CAST: variants seen among roughly 807,000 people sequenced by gnomAD.
CAST encodes MIR583 host.
A neutral mutation model predicts 119.6 loss-of-function variants in CAST; 76 were observed. The observed-to-expected ratio is 0.64, with a 90% CI of 0.53 to 0.77. The LOEUF (loss-of-function observed/expected upper bound fraction) is 0.77. CAST is among the 30% of genes least tolerant of loss of function. CAST has a pLI of 0.00. For missense variants in CAST, 953 were observed against 946.5 expected (o/e 1.01, Z -0.09); for synonymous variants, 319 against 331.6 (o/e 0.96, Z 0.41).
At chr5:96,308,877 T>G in the CAST span, 1 of 152,300 alleles carries the variant, frequency 6.6e-6, no homozygotes, top group Admixed American at 6.5e-5. Flanking sequence ...AGTTCTCCTG[T>G]ATGAGGTGAG....
chr5:96,394,734 C>T, the CAST span: 38 of 803,670 alleles, frequency 4.7e-5, no homozygotes, highest in Middle Eastern at 4.5e-4. Flanking sequence ...GAATAGTTTA[C>T]CACTATCACT....
chr5:96,591,135 T>A (rs1221567858), intron 1 of CAST, among the ~76,000 whole-genome samples: 2 of 152,328 alleles, frequency 1.3e-5, no homozygotes, highest in Admixed American at 1.3e-4. Flanking sequence ...AATCCCATAG[T>A]TCTCAGAGAA....
chr5:96,151,470 TA>T, the CAST span, among the ~76,000 whole-genome samples: 1 of 152,126 alleles, frequency 6.6e-6, no homozygotes, highest in Non-Finnish European at 1.5e-5. Context: ...GCCCCATCTC[TA>T]AAAAATTAAT....
intron 1 of CAST, among the ~76,000 whole-genome samples, chr5:96,625,438 A>G (rs556881771): frequency 6.6e-6 from 1 of 152,308 alleles, no homozygotes; most frequent in South Asian, 2.1e-4. Flanking sequence ...TAGCAGCGAA[A>G]TTGTATAGAA....
chr5:96,260,058 C>G, the CAST span, among the ~76,000 whole-genome samples: 1 of 152,006 alleles, frequency 6.6e-6, no homozygotes, highest in African/African-American at 2.4e-5. Context: ...AGGAGCAGTT[C>G]TCAACCCCGC....
the CAST span, among the ~76,000 whole-genome samples, chr5:96,241,598 C>T: frequency 1.4e-5 from 2 of 145,590 alleles, no homozygotes; most frequent in African/African-American, 5.0e-5. Flanking sequence ...ATGGCTGGGT[C>T]AAATGGTATT....
the CAST span, among the ~76,000 whole-genome samples, chr5:96,306,221 T>C: frequency 6.6e-6 from 1 of 152,240 alleles, no homozygotes; most frequent in Non-Finnish European, 1.5e-5. Flanking sequence ...CTAGATTTTC[T>C]AGTTTATTTG....
At chr5:96,649,428 C>T (rs1748064345) in intron 1 of CAST, among the ~76,000 whole-genome samples, 1 of 152,160 alleles carries the variant, frequency 6.6e-6, no homozygotes, top group Non-Finnish European at 1.5e-5. Context: ...AATGAGACAG[C>T]CCTGGGAATG....
At chr5:96,754,762 T>G in intron 22 of CAST, 21 bp downstream of exon 22, 1 of 1,364,932 alleles carries the variant, frequency 7.3e-7, no homozygotes, top group Non-Finnish European at 1.0e-6. Flanking sequence ...TGGAGTCTTT[T>G]TCTATTTTAT....
chr5:96,437,215 A>AT, the CAST span, among the ~76,000 whole-genome samples: 1 of 152,224 alleles, frequency 6.6e-6, no homozygotes, highest in South Asian at 2.1e-4. Context: ...ATTATGAAGG[A>AT]TTTTTGCTGA....
chr5:96,353,798 C>G, the CAST span, among the ~76,000 whole-genome samples: 2 of 152,182 alleles, frequency 1.3e-5, no homozygotes, highest in African/African-American at 4.8e-5. Flanking sequence ...CTTCAGCTTG[C>G]AAACAGCATG....
chr5:96,039,626 G>T, the CAST span, among the ~76,000 whole-genome samples: 1 of 152,144 alleles, frequency 6.6e-6, no homozygotes, highest in Non-Finnish European at 1.5e-5. Flanking sequence ...TTATTAAACA[G>T]GGAATCTTTT....
At chr5:96,233,124 A>G in the CAST span, among the ~76,000 whole-genome samples, 4 of 152,144 alleles carry the variant, frequency 2.6e-5, no homozygotes, top group South Asian at 4.1e-4. Context: ...TTAGTATTAA[A>G]AATTCAAAAA....
At chr5:96,694,968 G>A (rs1753108312) in intron 2 of CAST, among the ~76,000 whole-genome samples, 1 of 152,082 alleles carries the variant, frequency 6.6e-6, no homozygotes, top group African/African-American at 2.4e-5. Flanking sequence ...TTTATTTAAT[G>A]AAGTGTTTTT....
the CAST span, among the ~76,000 whole-genome samples, chr5:96,253,073 A>T: frequency 2.0e-5 from 3 of 152,108 alleles, no homozygotes; most frequent in Non-Finnish European, 4.4e-5. Context: ...ATACTTTTTT[A>T]AAAAAATAAC....
the CAST span, among the ~76,000 whole-genome samples, chr5:96,377,918 CA>C: frequency 6.6e-6 from 1 of 152,162 alleles, no homozygotes; most frequent in East Asian, 1.9e-4. Flanking sequence ...AAATATTCAT[CA>C]ACCAATGAAT....
chr5:96,646,094 A>G (rs1432913600), intron 1 of CAST, among the ~76,000 whole-genome samples: 1 of 152,144 alleles, frequency 6.6e-6, no homozygotes, highest in Admixed American at 6.5e-5. Flanking sequence ...TTTTTGTCGC[A>G]TTACATTACA....
the CAST span, chr5:96,425,976 C>G: frequency 5.8e-6 from 6 of 1,030,366 alleles, no homozygotes; most frequent in Non-Finnish European, 9.1e-6. Context: ...AAATATCTAC[C>G]TCTGTATACT....
intron 1 of CAST, among the ~76,000 whole-genome samples, chr5:96,561,413 C>A (rs1746358623): frequency 6.6e-6 from 1 of 151,052 alleles, no homozygotes; most frequent in African/African-American, 2.4e-5. Flanking sequence ...ATGTCCTTTG[C>A]AGGGACATGG....
Sources: gnomAD v4.1 joint callset for allele counts (sites outside exome capture counted in the v4.1 genomes callset) on GRCh38, gnomAD v4.1.1 for gene constraint, MANE v1.5 for transcripts, NCBI Gene and HGNC (gene_info 2026-07-23, HGNC 2026-07-21) for gene names.